Variants in MACROD2 observed in about 807,000 individuals in gnomAD.
MACROD2 encodes the protein ADP-ribose glycohydrolase MACROD2.
MACROD2 carries 36 observed loss-of-function variants against 70.4 expected under a neutral mutation model. That is an observed-to-expected ratio of 0.51 (90% CI 0.39 to 0.68). The LOEUF (loss-of-function observed/expected upper bound fraction) is 0.68. Among genes scored for constraint, MACROD2 ranks in the 30% least tolerant of loss-of-function variants. The pLI, the probability that MACROD2 is intolerant of heterozygous loss-of-function variation, is 0.00. For synonymous variants in MACROD2, 172 were observed against 178.8 expected (o/e 0.96, Z 0.30); for missense variants, 496 against 538.4 (o/e 0.92, Z 0.78).
intron 3 of MACROD2, among the ~76,000 whole-genome samples, chr20:14,196,311 C>T (rs776626499): frequency 3.3e-5 from 5 of 152,160 alleles, no homozygotes; most frequent in African/African-American, 7.2e-5. Context: ...TATGCAAATC[C>T]GTGTTGTGAT....
chr20:14,563,698 A>G (rs1979590575), intron 4 of MACROD2, among the ~76,000 whole-genome samples: 1 of 151,914 alleles, frequency 6.6e-6, no homozygotes, highest in African/African-American at 2.4e-5. Flanking sequence ...TTCTTTTTTT[A>G]TAAGTTCTAT....
chr20:14,042,183 A>G (rs137942198), intron 2 of MACROD2, among the ~76,000 whole-genome samples: 19 of 152,322 alleles, frequency 1.2e-4, no homozygotes, highest in African/African-American at 4.6e-4. Flanking sequence ...ATGATTGCCA[A>G]GAAGTCAAAA....
intron 5 of MACROD2, among the ~76,000 whole-genome samples, chr20:15,027,622 C>T (rs1179721211): frequency 6.6e-6 from 1 of 151,490 alleles, no homozygotes; most frequent in Admixed American, 6.6e-5. Context: ...TGCCTGTAAT[C>T]CCAGCACTTT....
At chr20:15,849,897 G>A (rs938882619) in intron 8 of MACROD2, among the ~76,000 whole-genome samples, 6 of 152,106 alleles carry the variant, frequency 3.9e-5, no homozygotes, top group Non-Finnish European at 8.8e-5. Flanking sequence ...ACTAGATGGC[G>A]AGGAAGAAGT....
intron 2 of MACROD2, among the ~76,000 whole-genome samples, chr20:14,065,761 G>A (rs1170710034): frequency 1.3e-5 from 2 of 152,144 alleles, no homozygotes; most frequent in South Asian, 2.1e-4. Context: ...GATTCAAATC[G>A]GCATAATGTT....
intron 8 of MACROD2, among the ~76,000 whole-genome samples, chr20:15,761,161 T>A (rs1194216351): frequency 6.6e-6 from 1 of 152,202 alleles, no homozygotes; most frequent in Non-Finnish European, 1.5e-5. Context: ...TGCTCCTGCC[T>A]CAGCCTCCCA....
intron 8 of MACROD2, among the ~76,000 whole-genome samples, chr20:15,754,706 G>A (rs150755997): frequency 1.1e-4 from 15 of 140,886 alleles, no homozygotes; most frequent in African/African-American, 3.8e-4. Flanking sequence ...TTTTTTAAGT[G>A]CCATCTAAAC....
At chr20:15,654,412 G>C (rs6034247) in intron 8 of MACROD2, among the ~76,000 whole-genome samples, 1 of 152,194 alleles carries the variant, frequency 6.6e-6, no homozygotes, top group Non-Finnish European at 1.5e-5. Context: ...GCCCAGAGGA[G>C]ATGGGAGTTC....
intron 5 of MACROD2, among the ~76,000 whole-genome samples, chr20:15,101,859 G>T (rs2075875640): frequency 6.6e-6 from 1 of 151,810 alleles, no homozygotes; most frequent in Non-Finnish European, 1.5e-5. Context: ...ATTAGTCTTT[G>T]GTTTTTTCCC....
intron 3 of MACROD2, among the ~76,000 whole-genome samples, chr20:14,093,767 C>T (rs2054185420): frequency 6.6e-6 from 1 of 151,770 alleles, no homozygotes. Context: ...GAGGTAAAGA[C>T]AAGTAAGTAA....
intron 5 of MACROD2, among the ~76,000 whole-genome samples, chr20:14,788,017 G>C (rs2072396333): frequency 6.6e-6 from 1 of 152,008 alleles, no homozygotes; most frequent in Admixed American, 6.6e-5. Flanking sequence ...CCCATTCTCT[G>C]ACAGGTAAGT....
chr20:15,407,847 T>C (rs2046024901), intron 6 of MACROD2, among the ~76,000 whole-genome samples: 1 of 152,194 alleles, frequency 6.6e-6, no homozygotes, highest in Non-Finnish European at 1.5e-5. Context: ...GGGAAGAAGT[T>C]TACAGATTAG....
At chr20:14,389,046 T>A (rs926756441) in intron 3 of MACROD2, among the ~76,000 whole-genome samples, 1 of 151,862 alleles carries the variant, frequency 6.6e-6, no homozygotes, top group Non-Finnish European at 1.5e-5. Flanking sequence ...CCCAGCTAAT[T>A]TTTTTGTATT....
intron 3 of MACROD2, among the ~76,000 whole-genome samples, chr20:14,105,293 C>T (rs1004404428): frequency 5.9e-5 from 9 of 152,278 alleles, no homozygotes; most frequent in African/African-American, 1.7e-4. Flanking sequence ...CCACCTCAGC[C>T]CCATTCCTCG....
chr20:14,453,455 T>G (rs1352288256), intron 3 of MACROD2, among the ~76,000 whole-genome samples: 1 of 152,158 alleles, frequency 6.6e-6, no homozygotes, highest in Non-Finnish European at 1.5e-5. Flanking sequence ...CATCTGACTA[T>G]ATAAGCAGTT....
intron 3 of MACROD2, among the ~76,000 whole-genome samples, chr20:14,214,570 G>A (rs1206744280): frequency 6.9e-6 from 1 of 145,738 alleles, no homozygotes; most frequent in African/African-American, 2.5e-5. Flanking sequence ...TACCTGAGAA[G>A]TTATCCAGCA....
At chr20:15,753,494 A>T (rs1284214916) in intron 8 of MACROD2, among the ~76,000 whole-genome samples, 1 of 152,106 alleles carries the variant, frequency 6.6e-6, no homozygotes, top group Non-Finnish European at 1.5e-5. Context: ...TATGTACCAC[A>T]TTTTCTTTAT....
intron 3 of MACROD2, among the ~76,000 whole-genome samples, chr20:14,362,890 T>C (rs2083235943): frequency 6.6e-6 from 1 of 152,178 alleles, no homozygotes; most frequent in African/African-American, 2.4e-5. Flanking sequence ...AGTATTCTTG[T>C]TTTTAATGTA....
intron 5 of MACROD2, among the ~76,000 whole-genome samples, chr20:15,108,979 A>G (rs1032259155): frequency 1.3e-5 from 2 of 152,224 alleles, no homozygotes; most frequent in East Asian, 1.9e-4. Flanking sequence ...CAGTTATTAC[A>G]TAGATCAAGG....
Sources: gnomAD v4.1 joint callset for allele counts (sites outside exome capture counted in the v4.1 genomes callset) on GRCh38, gnomAD v4.1.1 for gene constraint, MANE v1.5 for transcripts, NCBI Gene and HGNC (gene_info 2026-07-23, HGNC 2026-07-21) for gene names.